The following PLCB1 variants were observed in gnomAD, a reference collection of about 807,000 sequenced individuals.
PLCB1 encodes 1-phosphatidylinositol 4,5-bisphosphate phosphodiesterase beta-1.
A neutral mutation model predicts 161.8 loss-of-function variants in PLCB1; 46 were observed. That is an observed-to-expected ratio of 0.28 (90% CI 0.22 to 0.36). The LOEUF (loss-of-function observed/expected upper bound fraction) is 0.36, where lower values mean the gene tolerates loss of function less well. PLCB1 is among the 10% of genes least tolerant of loss of function. PLCB1 has a pLI of 1.00. For missense variants in PLCB1, 1,016 were observed against 1,472.5 expected, an observed-to-expected ratio of 0.69 and a Z score of 5.07; for synonymous variants, 517 against 503.7, an observed-to-expected ratio of 1.03 and a Z score of -0.35.
At chr20:8,254,995 A>G (rs1223312283) in intron 2 of PLCB1, among the ~76,000 whole-genome samples, 1 of 152,112 alleles carries the variant, frequency 6.6e-6, no homozygotes, top group Non-Finnish European at 1.5e-5. Flanking sequence ...TCATTACTAT[A>G]TTGGAAAAAC....
At chr20:8,524,317 G>GT (rs544231962) in intron 3 of PLCB1, among the ~76,000 whole-genome samples, 1 of 151,858 alleles carries the variant, frequency 6.6e-6, no homozygotes, top group Non-Finnish European at 1.5e-5. Flanking sequence ...GTTTTGTTTT[G>GT]TTTTTTCCTT....
chr20:8,496,600 A>G (rs968979634), intron 3 of PLCB1, among the ~76,000 whole-genome samples: 1 of 152,166 alleles, frequency 6.6e-6, no homozygotes, highest in Admixed American at 6.5e-5. Flanking sequence ...GACAAGATTC[A>G]CAGGCCATAC....
At chr20:8,165,040 G>T (rs1206324343) in intron 2 of PLCB1, among the ~76,000 whole-genome samples, 2 of 152,124 alleles carry the variant, frequency 1.3e-5, no homozygotes, top group Non-Finnish European at 1.5e-5. Flanking sequence ...AGCGGGAATA[G>T]AATGTGTTAA....
At chr20:8,266,851 C>A (rs1369934159) in intron 2 of PLCB1, among the ~76,000 whole-genome samples, 3 of 152,062 alleles carry the variant, frequency 2.0e-5, no homozygotes, top group African/African-American at 7.2e-5. Context: ...CCAGCCTGGC[C>A]AACATGGTGA....
chr20:8,370,876 G>C (rs749714246), intron 2 of PLCB1, among the ~76,000 whole-genome samples: 2 of 152,156 alleles, frequency 1.3e-5, no homozygotes, highest in African/African-American at 2.4e-5. Context: ...GATGGGTAAT[G>C]ATTAAGTGAA....
chr20:8,466,152 T>G (rs1232721), intron 3 of PLCB1, among the ~76,000 whole-genome samples: 5 of 151,500 alleles, frequency 3.3e-5, no homozygotes, highest in Admixed American at 1.3e-4. Context: ...CCATAAAAAA[T>G]GATGAGTTCA....
intron 3 of PLCB1, among the ~76,000 whole-genome samples, chr20:8,473,037 G>A (rs961643054): frequency 3.3e-5 from 5 of 152,162 alleles, no homozygotes; most frequent in African/African-American, 1.2e-4. Flanking sequence ...AGGAGAAAGA[G>A]TATGGACGGT....
At chr20:8,444,888 AT>A (rs1980747605) in intron 3 of PLCB1, among the ~76,000 whole-genome samples, 1 of 151,086 alleles carries the variant, frequency 6.6e-6, no homozygotes, top group African/African-American at 2.4e-5. Flanking sequence ...CTACTTTTTG[AT>A]GAGGTTTTTT....
intron 2 of PLCB1, among the ~76,000 whole-genome samples, chr20:8,221,162 G>T (rs1425423780): frequency 6.6e-6 from 1 of 152,090 alleles, no homozygotes; most frequent in Non-Finnish European, 1.5e-5. Context: ...CTATAGACTA[G>T]ATAACTTGAG....
intron 2 of PLCB1, among the ~76,000 whole-genome samples, chr20:8,255,100 C>A (rs1179815752): frequency 6.6e-6 from 1 of 152,010 alleles, no homozygotes; most frequent in Non-Finnish European, 1.5e-5. Flanking sequence ...AAACATTTTC[C>A]GATGACCATG....
intron 2 of PLCB1, among the ~76,000 whole-genome samples, chr20:8,339,782 A>G (rs974745725): frequency 1.3e-5 from 2 of 152,140 alleles, no homozygotes; most frequent in African/African-American, 2.4e-5. Flanking sequence ...TTTCTTGTCT[A>G]TAAAATGGGG....
At chr20:8,417,911 T>C (rs570141265) in intron 3 of PLCB1, among the ~76,000 whole-genome samples, 15 of 152,356 alleles carry the variant, frequency 9.8e-5, no homozygotes, top group African/African-American at 3.6e-4. Flanking sequence ...AGAGGACTCC[T>C]AAGTGTTACA....
chr20:8,842,609 T>C (rs1242004998), intron 31 of PLCB1, among the ~76,000 whole-genome samples: 2 of 152,184 alleles, frequency 1.3e-5, no homozygotes, highest in Non-Finnish European at 2.9e-5. Flanking sequence ...GGCAGACTTA[T>C]GTCTCCAAAA....
At chr20:8,169,766 C>G (rs897202938) in intron 2 of PLCB1, among the ~76,000 whole-genome samples, 3 of 152,000 alleles carry the variant, frequency 2.0e-5, no homozygotes, top group African/African-American at 7.2e-5. Context: ...GGACAGGGTG[C>G]GTGGTGCATG....
chr20:8,560,326 T>C (rs991748731), intron 3 of PLCB1, among the ~76,000 whole-genome samples: 3 of 152,004 alleles, frequency 2.0e-5, no homozygotes, highest in Admixed American at 6.6e-5. Context: ...GGTCTCATCT[T>C]CAGACTTAAA....
chr20:8,307,158 G>A (rs1480185114), intron 2 of PLCB1, among the ~76,000 whole-genome samples: 1 of 152,196 alleles, frequency 6.6e-6, no homozygotes, highest in Non-Finnish European at 1.5e-5. Flanking sequence ...TAAAGGTAGT[G>A]TTTATTGTAA....
At chr20:8,509,229 G>A (rs943437365) in intron 3 of PLCB1, among the ~76,000 whole-genome samples, 2 of 152,044 alleles carry the variant, frequency 1.3e-5, no homozygotes, top group Non-Finnish European at 2.9e-5. Context: ...ATGCTACAGA[G>A]TGACCCCCCA....
intron 31 of PLCB1, among the ~76,000 whole-genome samples, chr20:8,826,479 G>C (rs1010724316): frequency 7.1e-5 from 10 of 140,192 alleles, no homozygotes; most frequent in African/African-American, 2.6e-4. Context: ...CTGGGCAACA[G>C]AGCGAGACTC....
At chr20:8,588,738 T>G (rs1001210432) in intron 3 of PLCB1, among the ~76,000 whole-genome samples, 3 of 152,158 alleles carry the variant, frequency 2.0e-5, no homozygotes, top group Non-Finnish European at 4.4e-5. Flanking sequence ...CCTCCAAAAC[T>G]GAAAGAAAAT....
Sources: allele counts gnomAD v4.1 joint callset (sites outside exome capture counted in the v4.1 genomes callset), GRCh38; gene constraint gnomAD v4.1.1; transcripts MANE v1.5; gene names NCBI Gene and HGNC (gene_info 2026-07-23, HGNC 2026-07-21).